Variants in OSBPL9 observed in about 807,000 individuals in gnomAD.
OSBPL9 encodes oxysterol-binding protein-related protein 9.
OSBPL9 carries 40 observed loss-of-function variants against 106.6 expected under a neutral mutation model. The ratio of observed to expected loss-of-function variants is 0.38; its 90% CI spans 0.29 to 0.49. The LOEUF is 0.49. OSBPL9 is among the 20% of genes least tolerant of loss of function. The probability of loss-of-function intolerance (pLI) is 0.97; values close to 1 mark genes in which losing one functional copy is unlikely to be tolerated. For synonymous variants in OSBPL9, 269 were observed against 295.4 expected, an observed-to-expected ratio of 0.91 and a Z score of 0.92; for missense variants, 609 against 887.2, an observed-to-expected ratio of 0.69 and a Z score of 3.98.
chr1:51,607,596 GTCTC>G (rs1255966884), intron 2 of OSBPL9, among the ~76,000 whole-genome samples: 2 of 152,072 alleles, frequency 1.3e-5, no homozygotes, highest in Non-Finnish European at 2.9e-5. Flanking sequence ...TTCCCACTAA[GTCTC>G]TCTTTAACCT....
the OSBPL9 span, among the ~76,000 whole-genome samples, chr1:51,557,535 A>G: frequency 6.6e-6 from 1 of 152,220 alleles, no homozygotes; most frequent in African/African-American, 2.4e-5. Context: ...CTAACTGGTA[A>G]TCATGGTCTA....
chr1:51,613,416 C>T (rs1287745784), upstream of OSBPL9, among the ~76,000 whole-genome samples: 2 of 152,134 alleles, frequency 1.3e-5, no homozygotes, highest in Non-Finnish European at 2.9e-5. Context: ...CTCAGATACT[C>T]GTTAATTCAC....
chr1:51,739,250 G>GA (rs1001720579), intron 4 of OSBPL9, among the ~76,000 whole-genome samples: 17 of 151,728 alleles, frequency 1.1e-4, no homozygotes, highest in African/African-American at 3.9e-4. Flanking sequence ...TATCCCAATT[G>GA]AAAAAAAATT....
intron 3 of OSBPL9, among the ~76,000 whole-genome samples, chr1:51,690,719 T>A (rs369629987): frequency 6.6e-6 from 1 of 152,150 alleles, no homozygotes; most frequent in Non-Finnish European, 1.5e-5. Context: ...CAGATAAAGA[T>A]CCCTGCCTTT....
the OSBPL9 span, among the ~76,000 whole-genome samples, chr1:51,568,556 C>CA: frequency 1.3e-5 from 2 of 151,904 alleles, no homozygotes; most frequent in Non-Finnish European, 2.9e-5. Flanking sequence ...CTTTTCTTTT[C>CA]TTTTTTTTGA....
At chr1:51,600,287 T>C (rs989230580) in intron 2 of OSBPL9, among the ~76,000 whole-genome samples, 1 of 152,200 alleles carries the variant, frequency 6.6e-6, no homozygotes, top group Non-Finnish European at 1.5e-5. Context: ...CCTCTAGATA[T>C]GTCTAATGAA....
chr1:51,715,186 C>T (rs1420844353), intron 4 of OSBPL9, among the ~76,000 whole-genome samples: 7 of 152,084 alleles, frequency 4.6e-5, no homozygotes, highest in Admixed American at 2.6e-4. Context: ...AGTAAACCCC[C>T]CATCACTTGA....
At chr1:51,651,962 A>G in intron 1 of OSBPL9, 29 bp from the exon 2 acceptor site, 1 of 1,575,172 alleles carries the variant, frequency 6.3e-7, no homozygotes, top group African/African-American at 1.4e-5. Flanking sequence ...TTAATGTTTT[A>G]TTCATTGAAT....
At chr1:51,523,092 A>AT in the OSBPL9 span, among the ~76,000 whole-genome samples, 2 of 151,942 alleles carry the variant, frequency 1.3e-5, no homozygotes, top group African/African-American at 2.4e-5. Flanking sequence ...CCTCGTCTCT[A>AT]TTTTTTTAAA....
chr1:51,545,343 A>T, the OSBPL9 span, among the ~76,000 whole-genome samples: 1 of 152,208 alleles, frequency 6.6e-6, no homozygotes, highest in African/African-American at 2.4e-5. Context: ...GCACCTAATC[A>T]TACAGTCTTA....
At chr1:51,766,452 A>G (rs946538903) in intron 12 of OSBPL9, among the ~76,000 whole-genome samples, 1 of 152,188 alleles carries the variant, frequency 6.6e-6, no homozygotes, top group Non-Finnish European at 1.5e-5. Flanking sequence ...CAAGGTTACA[A>G]AGATCCAGGC....
chr1:51,693,766 A>G (rs367793586), intron 3 of OSBPL9, among the ~76,000 whole-genome samples: 11 of 152,372 alleles, frequency 7.2e-5, no homozygotes, highest in African/African-American at 2.6e-4. Context: ...TAAAAAATAT[A>G]TATACCATCT....
intron 20 of OSBPL9, chr1:51,785,607 G>A (rs1003573839): frequency 9.1e-6 from 5 of 550,034 alleles, no homozygotes; most frequent in Non-Finnish European, 1.6e-5. Flanking sequence ...ACCATTCTTG[G>A]GATCTCAAGT....
At chr1:51,705,639 T>C (rs1305820123) in intron 3 of OSBPL9, among the ~76,000 whole-genome samples, 2 of 151,746 alleles carry the variant, frequency 1.3e-5, no homozygotes, top group South Asian at 2.1e-4. Context: ...CATCTGGAAC[T>C]CCCGACCTCA....
At chr1:51,523,849 G>A in the OSBPL9 span, among the ~76,000 whole-genome samples, 4 of 152,090 alleles carry the variant, frequency 2.6e-5, no homozygotes, top group Admixed American at 1.3e-4. Flanking sequence ...TTTAGAGGCA[G>A]TTGTCATATC....
chr1:51,551,041 T>C, the OSBPL9 span, among the ~76,000 whole-genome samples: 80,651 of 151,940 alleles, frequency 0.53, 22,902 homozygotes, highest in African/African-American at 0.69. Context: ...ACTCCCTTTC[T>C]ACTAATAAGG....
the OSBPL9 span, among the ~76,000 whole-genome samples, chr1:51,559,180 A>AG: frequency 6.6e-6 from 1 of 151,682 alleles, no homozygotes; most frequent in Non-Finnish European, 1.5e-5. Flanking sequence ...AAATTGGGGC[A>AG]GGGGAAGGTG....
At chr1:51,641,981 G>A (rs997013164) in intron 1 of OSBPL9, among the ~76,000 whole-genome samples, 14 of 152,160 alleles carry the variant, frequency 9.2e-5, no homozygotes, top group African/African-American at 3.1e-4. Context: ...AAAAAGGTAA[G>A]TGTCAAGTGG....
At chr1:51,570,253 A>T in the OSBPL9 span, among the ~76,000 whole-genome samples, 1 of 152,062 alleles carries the variant, frequency 6.6e-6, no homozygotes, top group Non-Finnish European at 1.5e-5. Flanking sequence ...CTGAACACTT[A>T]CTCGTTACCA....
Sources: gnomAD v4.1 joint callset for allele counts (sites outside exome capture counted in the v4.1 genomes callset) on GRCh38, gnomAD v4.1.1 for gene constraint, MANE v1.5 for transcripts, NCBI Gene and HGNC (gene_info 2026-07-23, HGNC 2026-07-21) for gene names.